The following ZMAT4 variants were observed in gnomAD, a reference collection of about 807,000 sequenced individuals.
The protein encoded by ZMAT4 is zinc finger matrin-type 4, also known as zinc finger matrin-type protein 4.
A neutral mutation model predicts 28.7 loss-of-function variants in ZMAT4; 17 were observed. The ratio of observed to expected loss-of-function variants is 0.59; its 90% confidence interval spans 0.41 to 0.89. The LOEUF (loss-of-function observed/expected upper bound fraction) is 0.89, where lower values mean the gene tolerates loss of function less well. Ranked by LOEUF, ZMAT4 falls within the 40% of genes least tolerant of loss-of-function variation. The probability of loss-of-function intolerance (pLI) is 0.00; values close to 1 mark genes in which losing one functional copy is unlikely to be tolerated. For synonymous variants in ZMAT4, 117 were observed against 109.2 expected (o/e 1.07, Z -0.44); for missense variants, 240 against 283.8 (o/e 0.85, Z 1.11).
At chr8:40,561,806 A>G (rs535907680) in intron 6 of ZMAT4, among the ~76,000 whole-genome samples, 32 of 152,136 alleles carry the variant, frequency 2.1e-4, no homozygotes, top group Non-Finnish European at 4.3e-4. Flanking sequence ...AGCTATCATT[A>G]GTGTTCGTGT....
Position 40,669,699 on chromosome 8 carries a change from T to C in ZMAT4, c.577+5005A>G, listed in dbSNP as rs556955011. The stretch of plus-strand genomic sequence containing the variant: ...AAATATGTGTTAATCAACTATGTTA[T>C]TGGTAAGGCTTCCAGTCAACAGTAG... On this transcript the variant is annotated intron_variant, in intron 5 of 6. Transcript: ENST00000297737. Among the ~76,000 whole-genome samples the C allele has an allele frequency of 2.4e-3, 362 of 152,344 alleles. 3 individuals are homozygous for C. Among genetic ancestry groups the C allele is most frequent in the African/African-American group, 8.4e-3 (349 of 41,578 alleles).
At chr8:40,860,917 A>G (rs1420997076) in intron 1 of ZMAT4, among the ~76,000 whole-genome samples, 2 of 152,208 alleles carry the variant, frequency 1.3e-5, no homozygotes, top group Non-Finnish European at 2.9e-5. Context: ...GGGAAGGCCA[A>G]GAAAAGCTTC....
At chr8:40,812,940 T>A (rs13438988) in intron 2 of ZMAT4, among the ~76,000 whole-genome samples, 1,478 of 44,752 alleles carry the variant, frequency 0.033, 67 homozygotes, top group African/African-American at 0.094. Context: ...TCTCAAAAAT[T>A]AAATTAAATT....
chr8:40,868,517 A>G (rs1365959372), intron 1 of ZMAT4, among the ~76,000 whole-genome samples: 1 of 152,216 alleles, frequency 6.6e-6, no homozygotes, highest in African/African-American at 2.4e-5. Context: ...ACCAGGGTCA[A>G]GAAAGTCCAC....
chr8:40,548,949 G>A (rs1803284581), intron 6 of ZMAT4, among the ~76,000 whole-genome samples: 1 of 152,064 alleles, frequency 6.6e-6, no homozygotes, highest in African/African-American at 2.4e-5. Flanking sequence ...CATTTGCTAT[G>A]GTCTAAATGT....
chr8:40,846,208 G>C (rs1049698677), intron 1 of ZMAT4, among the ~76,000 whole-genome samples: 1 of 152,070 alleles, frequency 6.6e-6, no homozygotes, highest in Non-Finnish European at 1.5e-5. Flanking sequence ...TATACTTGGC[G>C]GTGTTTCTTT....
chr8:40,798,379 C>T (rs1415632174), intron 2 of ZMAT4, among the ~76,000 whole-genome samples: 3 of 152,222 alleles, frequency 2.0e-5, no homozygotes, highest in African/African-American at 7.2e-5. Context: ...CAATGCCAGG[C>T]TCTTTAATGT....
At chr8:40,545,659 C>A (rs548900638) in intron 6 of ZMAT4, among the ~76,000 whole-genome samples, 1 of 152,178 alleles carries the variant, frequency 6.6e-6, no homozygotes, top group South Asian at 2.1e-4. Flanking sequence ...CAAAGGTCTA[C>A]CAGAAGTCAG....
chr8:40,774,861 T>C (rs1223431410), intron 2 of ZMAT4, among the ~76,000 whole-genome samples: 1 of 152,206 alleles, frequency 6.6e-6, no homozygotes, highest in Non-Finnish European at 1.5e-5. Flanking sequence ...TTAATGCTTT[T>C]TTGAAATTTT....
chr8:40,748,318 A>G (rs551227249), intron 3 of ZMAT4, among the ~76,000 whole-genome samples: 163 of 152,348 alleles, frequency 1.1e-3, no homozygotes, highest in South Asian at 0.01. Flanking sequence ...GCCTTGTACC[A>G]TGTTCAGTCA....
In ZMAT4 at chr8:40,589,299, G is replaced by A. The variant is rs567975410; in HGVS notation, c.578-8038C>T. On this transcript the variant is annotated intron_variant, in intron 5 of 6. Coordinates refer to ENST00000297737, the MANE Select transcript of ZMAT4 (RefSeq NM_024645.3). The stretch of plus-strand genomic sequence containing the variant: ...TCTAGCTAGTGGGAGACAGAGTTGG[G>A]TTTTGAACCCACACATTCTGGCTGT... Among the ~76,000 whole-genome samples the A allele has an allele frequency of 2.0e-4, 31 of 152,252 alleles. No homozygotes were observed. The South Asian group carries it at 6.4e-3, about 32-fold the overall frequency.
intron 5 of ZMAT4, among the ~76,000 whole-genome samples, chr8:40,634,126 A>G (rs1806702736): frequency 6.6e-6 from 1 of 152,148 alleles, no homozygotes; most frequent in Non-Finnish European, 1.5e-5. Context: ...AGGGGCAAAA[A>G]CATTATCTTA....
chr8:40,825,335 T>C (rs1397411559), intron 2 of ZMAT4, among the ~76,000 whole-genome samples: 3 of 152,052 alleles, frequency 2.0e-5, no homozygotes, highest in Non-Finnish European at 4.4e-5. Flanking sequence ...GGGGCTGAGA[T>C]ACAAATTTTA....
chr8:40,612,046 T>C (rs1044830358), intron 5 of ZMAT4, among the ~76,000 whole-genome samples: 15 of 152,280 alleles, frequency 9.9e-5, no homozygotes, highest in African/African-American at 3.1e-4. Context: ...GAGACTCCAG[T>C]TGCAGCAGCA....
At chr8:40,863,811 T>G (rs1817584187) in intron 1 of ZMAT4, among the ~76,000 whole-genome samples, 1 of 152,230 alleles carries the variant, frequency 6.6e-6, no homozygotes, top group African/African-American at 2.4e-5. Flanking sequence ...AATCATTATG[T>G]CAGAAACCAA....
At chr8:40,548,069 A>C (rs1803257073) in intron 6 of ZMAT4, among the ~76,000 whole-genome samples, 1 of 152,172 alleles carries the variant, frequency 6.6e-6, no homozygotes, top group African/African-American at 2.4e-5. Context: ...GGAGGTCTTC[A>C]AGGGGCACCT....
intron 3 of ZMAT4, among the ~76,000 whole-genome samples, chr8:40,708,202 G>C (rs1323987363): frequency 1.3e-5 from 2 of 152,200 alleles, no homozygotes; most frequent in African/African-American, 4.8e-5. Flanking sequence ...CCTGGAGCCA[G>C]AGGAACCCTC....
intron 1 of ZMAT4, among the ~76,000 whole-genome samples, chr8:40,866,854 A>T (rs139102317): frequency 6.6e-6 from 1 of 152,332 alleles, no homozygotes; most frequent in East Asian, 1.9e-4. Context: ...ATGTGAACAT[A>T]TTTATACACA....
chr8:40,815,867 C>A (rs1815511409), intron 2 of ZMAT4, among the ~76,000 whole-genome samples: 1 of 152,216 alleles, frequency 6.6e-6, no homozygotes, highest in Non-Finnish European at 1.5e-5. Flanking sequence ...CTCCCCGGCA[C>A]TGTAATAAAA....
Sources: allele counts gnomAD v4.1 joint callset (sites outside exome capture counted in the v4.1 genomes callset), GRCh38; gene constraint gnomAD v4.1.1; transcripts MANE v1.5; gene names NCBI Gene and HGNC (gene_info 2026-07-23, HGNC 2026-07-21).